Variants in FSTL1 observed in about 807,000 individuals in gnomAD.
The protein encoded by FSTL1 is follistatin like 1.
A neutral mutation model predicts 45.9 loss-of-function variants in FSTL1; 24 were observed. That is an observed-to-expected ratio of 0.52 (90% CI 0.38 to 0.74). FSTL1 has a LOEUF of 0.74. FSTL1 is among the 30% of genes least tolerant of loss of function. The pLI is 0.00. For synonymous variants in FSTL1, 120 were observed against 137.6 expected, an observed-to-expected ratio of 0.87 and a Z score of 0.89; for missense variants, 340 against 381.8, an observed-to-expected ratio of 0.89 and a Z score of 0.91.
Position 120,393,383 on chromosome 3 carries a change from G to A in FSTL1, c.*3569C>T, listed in dbSNP as rs974502409. ...GAGAGTGCATGATACATATGAAAAT[G>A]GCAGGTTGGAAAGCGTTAGTCATGT... On this transcript the variant is annotated 3_prime_UTR_variant, in exon 11 of 11. Transcript: ENST00000295633. The A allele has an allele frequency of 2.0e-5, 3 of 152,180 alleles. No homozygotes were observed. Among genetic ancestry groups the A allele is most frequent in the African/African-American group, 7.2e-5 (3 of 41,426 alleles). 9.4% of individuals were successfully genotyped at this position (152,180 alleles called of 1,614,324 possible).
chr3:120,424,294 CCT>C (rs1937336637), intron 2 of FSTL1, among the ~76,000 whole-genome samples: 1 of 152,022 alleles, frequency 6.6e-6, no homozygotes, highest in Non-Finnish European at 1.5e-5. Context: ...AGAGTGAGAC[CCT>C]GTCTCTAAAA....
At chr3:120,435,558 T>A (rs1937535258) in intron 2 of FSTL1, among the ~76,000 whole-genome samples, 1 of 152,230 alleles carries the variant, frequency 6.6e-6, no homozygotes, top group African/African-American at 2.4e-5. Flanking sequence ...CATGACTTTC[T>A]GAATATGGCT....
intron 2 of FSTL1, 132 bp from the exon 3 acceptor site, chr3:120,416,159 G>A: frequency 1.4e-6 from 1 of 707,010 alleles, no homozygotes; most frequent in Non-Finnish European, 2.5e-6. Context: ...ACAGCTAGAT[G>A]TTGGGTCTTA....
chr3:120,402,400 CT>C (rs567079145), intron 9 of FSTL1, among the ~76,000 whole-genome samples: 94 of 151,932 alleles, frequency 6.2e-4, no homozygotes, highest in African/African-American at 2.2e-3. Flanking sequence ...TTCACTGTTA[CT>C]ATTCCATTAT....
chr3:120,425,293 G>T (rs977208067), intron 2 of FSTL1, among the ~76,000 whole-genome samples: 1 of 151,472 alleles, frequency 6.6e-6, no homozygotes, highest in African/African-American at 2.4e-5. Context: ...AGGAAGCCTA[G>T]AGAGCTCCCA....
chr3:120,419,863 T>C (rs58932850), intron 2 of FSTL1, among the ~76,000 whole-genome samples: 8,470 of 152,192 alleles, frequency 0.056, 608 homozygotes, highest in African/African-American at 0.17. Context: ...CAATGTTAAT[T>C]TTAGCACCTT....
At chr3:120,405,591 G>A (rs1936931431) in intron 6 of FSTL1, among the ~76,000 whole-genome samples, 1 of 152,222 alleles carries the variant, frequency 6.6e-6, no homozygotes, top group South Asian at 2.1e-4. Flanking sequence ...TACAGACAGG[G>A]GTCATCATGC....
intron 3 of FSTL1, among the ~76,000 whole-genome samples, chr3:120,415,265 A>G (rs1937167610): frequency 6.6e-6 from 1 of 152,222 alleles, no homozygotes; most frequent in Non-Finnish European, 1.5e-5. Flanking sequence ...TATTTGCACA[A>G]GGATGTTATT....
At chr3:120,445,420 AAGAT>A (rs767370143) in intron 2 of FSTL1, among the ~76,000 whole-genome samples, 2 of 149,430 alleles carry the variant, frequency 1.3e-5, no homozygotes, top group Non-Finnish European at 2.9e-5. Context: ...GACAGATTAA[AAGAT>A]AGCCATCTTT....
intron 2 of FSTL1, chr3:120,438,151 T>A (rs1284023743): frequency 6.6e-6 from 1 of 152,238 alleles, no homozygotes; most frequent in East Asian, 1.9e-4. Context: ...CATCATTATT[T>A]TTAAAAGAAA....
chr3:120,440,888 G>GC (rs1937620761), intron 2 of FSTL1, among the ~76,000 whole-genome samples: 2 of 152,188 alleles, frequency 1.3e-5, no homozygotes, highest in African/African-American at 4.8e-5. Context: ...AGAGCAAAGA[G>GC]CAACATAAGG....
chr3:120,395,988 T>G lies in FSTL1; in HGVS notation c.*964A>C, dbSNP rs1377022925. 6 of 291,400 alleles carry G rather than the reference T, an allele frequency of 2.1e-5. No individual in the cohort carries two copies. The highest frequency in any genetic ancestry group is 2.0e-4 in the Admixed American group (4 of 20,094). The allele number at this position is 291,400 out of a possible 1,614,324, so 18.1% of individuals were successfully genotyped here. A position where few individuals can be genotyped will look rare whatever the true frequency, so the allele number is the denominator to read the frequency against. ...ATGTTTGGATCTTGAAAGTTTTTTA[T>G]GAAGATGCTTCTTCCCCTGGCTTCG... On this transcript the variant is annotated 3_prime_UTR_variant, in exon 11 of 11. Coordinates refer to ENST00000295633, the MANE Select transcript of FSTL1 (RefSeq NM_007085.5).
intron 2 of FSTL1, among the ~76,000 whole-genome samples, chr3:120,441,964 T>C (rs1320755703): frequency 6.6e-6 from 1 of 152,210 alleles, no homozygotes; most frequent in East Asian, 1.9e-4. Context: ...TAAGCCATTA[T>C]GTTATACTTC....
chr3:120,422,424 A>G (rs1006297512), intron 2 of FSTL1, among the ~76,000 whole-genome samples: 1 of 152,234 alleles, frequency 6.6e-6, no homozygotes, highest in Admixed American at 6.5e-5. Context: ...CACCATATAT[A>G]TGAATATTAA....
At chr3:120,414,208 C>A (rs1295062341) in intron 3 of FSTL1, among the ~76,000 whole-genome samples, 1 of 152,164 alleles carries the variant, frequency 6.6e-6, no homozygotes, top group Admixed American at 6.5e-5. Context: ...GCCACCCCGT[C>A]TGGGAAGTGA....
intron 2 of FSTL1, chr3:120,419,744 T>G (rs1380031216): frequency 6.6e-6 from 1 of 152,250 alleles, no homozygotes; most frequent in Non-Finnish European, 1.5e-5. Context: ...TCTGAAATTC[T>G]GATTCAAAGT....
intron 2 of FSTL1, among the ~76,000 whole-genome samples, chr3:120,436,443 C>A (rs1166023919): frequency 6.6e-6 from 1 of 152,222 alleles, no homozygotes; most frequent in Non-Finnish European, 1.5e-5. Flanking sequence ...TGTGTTCCTA[C>A]TGGGAACTGG....
chr3:120,411,817 G>A (rs368128153), intron 4 of FSTL1, 37 bp downstream of exon 4: 2 of 1,591,502 alleles, frequency 1.3e-6, no homozygotes, highest in Non-Finnish European at 8.6e-7. Context: ...GCTCCCCGTG[G>A]CTAAAGCTGC....
intron 2 of FSTL1, among the ~76,000 whole-genome samples, chr3:120,445,649 T>A (rs1937722398): frequency 6.7e-6 from 1 of 149,464 alleles, no homozygotes; most frequent in Non-Finnish European, 1.5e-5. Flanking sequence ...TAAAAGGATC[T>A]TACAAAGGAA....
Sources: gnomAD v4.1 joint callset for allele counts (sites outside exome capture counted in the v4.1 genomes callset) on GRCh38, gnomAD v4.1.1 for gene constraint, MANE v1.5 for transcripts, NCBI Gene and HGNC (gene_info 2026-07-23, HGNC 2026-07-21) for gene names.